Variants in SLC14A2 observed in about 807,000 individuals in gnomAD.
SLC14A2 encodes urea transporter 2.
A neutral mutation model predicts 104.6 loss-of-function variants in SLC14A2; 91 were observed. That is an observed-to-expected ratio of 0.87 (90% CI 0.73 to 1.04). The LOEUF is 1.04. Among genes scored for constraint, SLC14A2 ranks in the 50% least tolerant of loss-of-function variants. The pLI is 0.00. For missense variants in SLC14A2, 1,189 were observed against 1,156.0 expected (o/e 1.03, Z -0.41); for synonymous variants, 476 against 466.4 (o/e 1.02, Z -0.27).
intron 2 of SLC14A2, among the ~76,000 whole-genome samples, chr18:45,567,044 C>G (rs2044275661): frequency 6.9e-6 from 1 of 144,410 alleles, no homozygotes; most frequent in Admixed American, 7.0e-5. Flanking sequence ...TAGCTGAGGA[C>G]ATGTGCACAT....
chr18:45,646,179 T>A (rs1339684020), intron 10 of SLC14A2: 2 of 152,234 alleles, frequency 1.3e-5, no homozygotes, highest in African/African-American at 4.8e-5. Context: ...CTCACTCTGT[T>A]GTTCTCTCAT....
chr18:45,641,266 G>A lies in SLC14A2; in HGVS notation c.1049G>A (p.Cys350Tyr). Residue 350 changes from cysteine (C) to tyrosine (Y), a missense_variant, in exon 8 of 20, where the codon TGC (cysteine) becomes TAC (tyrosine). Coordinates refer to ENST00000255226, the MANE Select transcript of SLC14A2 (RefSeq NM_007163.4). ...TIYTGLWSYN[C>Y]VLSCIAIGGM... ...TACACAGGCCTCTGGAGCTACAACT[G>A]CGTCCTCTCCTGCATCGCCATCGGA... 3 of 1,614,160 alleles carry A rather than the reference G, an allele frequency of 1.9e-6. No homozygotes were observed. In the Middle Eastern group the frequency reaches 4.9e-4, roughly 266 times the overall value.
intron 2 of SLC14A2, among the ~76,000 whole-genome samples, chr18:45,499,846 T>G (rs1286245383): frequency 6.6e-6 from 1 of 152,166 alleles, no homozygotes; most frequent in African/African-American, 2.4e-5. Flanking sequence ...AATGAAATAA[T>G]GAATGTGGAG....
chr18:45,314,105 G>A (rs1262351009), intron 1 of SLC14A2, among the ~76,000 whole-genome samples: 1 of 152,242 alleles, frequency 6.6e-6, no homozygotes, highest in Non-Finnish European at 1.5e-5. Flanking sequence ...AGAAAGCACA[G>A]CAGAAGAGGC....
chr18:45,188,955 G>A, the SLC14A2 span, among the ~76,000 whole-genome samples: 3 of 152,174 alleles, frequency 2.0e-5, no homozygotes, highest in Non-Finnish European at 4.4e-5. Context: ...TCTGCTTGCA[G>A]GCCTCCTGTT....
At chr18:45,187,688 G>A in the SLC14A2 span, among the ~76,000 whole-genome samples, 1 of 151,922 alleles carries the variant, frequency 6.6e-6, no homozygotes, top group African/African-American at 2.4e-5. Context: ...ATGACTTGGG[G>A]CAAAGGTGTA....
At chr18:45,640,759 G>A (rs561282156) in intron 7 of SLC14A2, among the ~76,000 whole-genome samples, 51 of 152,306 alleles carry the variant, frequency 3.3e-4, no homozygotes, top group South Asian at 8.3e-4. Flanking sequence ...TGTACCCACT[G>A]TTCACATCTT....
chr18:45,219,902 A>G (rs1310936657), intron 1 of SLC14A2, among the ~76,000 whole-genome samples: 6 of 152,186 alleles, frequency 3.9e-5, no homozygotes. Context: ...AACAAACAAA[A>G]TCAAATGTAA....
intron 10 of SLC14A2, among the ~76,000 whole-genome samples, chr18:45,652,925 C>A (rs146795220): frequency 6.6e-6 from 1 of 152,210 alleles, no homozygotes; most frequent in African/African-American, 2.4e-5. Flanking sequence ...CCTTCTTAAG[C>A]AGTCATTTCC....
chr18:45,255,812 C>G (rs1229957525), intron 1 of SLC14A2, among the ~76,000 whole-genome samples: 3 of 151,718 alleles, frequency 2.0e-5, no homozygotes, highest in Non-Finnish European at 4.4e-5. Flanking sequence ...CCACCAGCCC[C>G]TGCACCCCCT....
chr18:45,385,324 G>C (rs545614468), intron 1 of SLC14A2, among the ~76,000 whole-genome samples: 1 of 152,322 alleles, frequency 6.6e-6, no homozygotes, highest in South Asian at 2.1e-4. Flanking sequence ...CCACACTAAG[G>C]GAGTTGGGCT....
At chr18:45,274,665 C>T (rs1202969548) in intron 1 of SLC14A2, among the ~76,000 whole-genome samples, 5 of 152,252 alleles carry the variant, frequency 3.3e-5, no homozygotes, top group Non-Finnish European at 7.3e-5. Flanking sequence ...GGGACTACCA[C>T]AACCCAAGAT....
At chr18:45,619,670 T>C (rs544724756) in intron 1 of SLC14A2, among the ~76,000 whole-genome samples, 1 of 152,270 alleles carries the variant, frequency 6.6e-6, no homozygotes, top group Admixed American at 6.5e-5. Flanking sequence ...GGCGCTGAGC[T>C]GAGCTGGGAA....
chr18:45,442,317 A>G (rs2086693962), intron 1 of SLC14A2, among the ~76,000 whole-genome samples: 1 of 152,178 alleles, frequency 6.6e-6, no homozygotes, highest in Non-Finnish European at 1.5e-5. Flanking sequence ...TTATTGTCTC[A>G]CACTTCTGGT....
intron 1 of SLC14A2, among the ~76,000 whole-genome samples, chr18:45,424,797 C>G (rs565433569): frequency 6.6e-6 from 1 of 152,316 alleles, no homozygotes; most frequent in African/African-American, 2.4e-5. Context: ...AGTCACAGGC[C>G]TTTTCCAACT....
chr18:45,357,782 C>G (rs941505045), intron 1 of SLC14A2, among the ~76,000 whole-genome samples: 1 of 152,050 alleles, frequency 6.6e-6, no homozygotes, highest in African/African-American at 2.4e-5. Flanking sequence ...TTGCAGGAAC[C>G]CTGATGAAGA....
At chr18:45,425,342 AC>A (rs2086409357) in intron 1 of SLC14A2, among the ~76,000 whole-genome samples, 1 of 152,218 alleles carries the variant, frequency 6.6e-6, no homozygotes, top group Non-Finnish European at 1.5e-5. Context: ...TGATGAGGGC[AC>A]CAGTCCCAGG....
At chr18:45,199,743 C>T in the SLC14A2 span, among the ~76,000 whole-genome samples, 1 of 152,150 alleles carries the variant, frequency 6.6e-6, no homozygotes, top group Non-Finnish European at 1.5e-5. Context: ...TCATAGGACT[C>T]CTTATATTAG....
At chr18:45,301,359 G>C (rs766122986) in intron 1 of SLC14A2, among the ~76,000 whole-genome samples, 1 of 152,136 alleles carries the variant, frequency 6.6e-6, no homozygotes, top group Non-Finnish European at 1.5e-5. Flanking sequence ...CTCCACGCTG[G>C]GGTGGGAGAT....
Sources: gnomAD v4.1 joint callset for allele counts (sites outside exome capture counted in the v4.1 genomes callset) on GRCh38, gnomAD v4.1.1 for gene constraint, MANE v1.5 for transcripts, NCBI Gene and HGNC (gene_info 2026-07-23, HGNC 2026-07-21) for gene names.